CUBN: variants seen among roughly 807,000 people sequenced by gnomAD.
The protein encoded by CUBN is cubilin, also known as 460 kDa receptor.
In CUBN, 282 loss-of-function variants were observed where a neutral mutation model predicts 405.3. The observed-to-expected ratio is 0.70, with a 90% CI of 0.63 to 0.77. The LOEUF is 0.77. CUBN is among the 30% of genes least tolerant of loss of function. The probability of loss-of-function intolerance (pLI) is 0.00; values close to 1 mark genes in which losing one functional copy is unlikely to be tolerated. For synonymous variants in CUBN, 1,684 were observed against 1,617.0 expected, an observed-to-expected ratio of 1.04 and a Z score of -0.99; for missense variants, 4,514 against 4,475.2, an observed-to-expected ratio of 1.01 and a Z score of -0.25.
intron 10 of CUBN, among the ~76,000 whole-genome samples, chr10:17,108,021 C>A (rs1488066406): frequency 1.3e-5 from 2 of 152,054 alleles, no homozygotes; most frequent in Non-Finnish European, 2.9e-5. Context: ...GGTAAACTTA[C>A]AGGTTGCAGT....
At chr10:16,995,628 C>A (rs751027254) in intron 28 of CUBN, among the ~76,000 whole-genome samples, 1 of 152,070 alleles carries the variant, frequency 6.6e-6, no homozygotes, top group East Asian at 1.9e-4. Context: ...CCACACCTGG[C>A]CGTGTTTTGT....
rs749901825 is a variant in CUBN, at chr10:16,947,264, G to C, written c.5313C>G (p.Ser1771=). ...AAGACAGCTGGAGCCGGTTGCCAGG[G>C]GAACTGACGATGTTCCAGACACATT... The part of the protein sequence containing the change: ...NVECVWNIVS[S]PGNRLQLSFI... Residue 1771 remains serine, a synonymous_variant, in exon 36 of 67, where the codon TCC becomes TCG. Coordinates refer to ENST00000377833, the MANE Select transcript of CUBN (RefSeq NM_001081.4). The C allele has an allele frequency of 1.1e-5, 17 of 1,613,980 alleles. No individual in the cohort carries two copies. The highest frequency in any genetic ancestry group is 1.4e-5 in the Non-Finnish European group (17 of 1,179,990).
At chr10:17,047,868 G>A (rs143271169) in intron 22 of CUBN, among the ~76,000 whole-genome samples, 9 of 152,268 alleles carry the variant, frequency 5.9e-5, no homozygotes, top group South Asian at 2.1e-4. Context: ...AAAGTGTTAC[G>A]TTTTTCTAAT....
chr10:16,902,123 A>G (rs1024506330), intron 51 of CUBN, among the ~76,000 whole-genome samples: 1 of 137,242 alleles, frequency 7.3e-6, no homozygotes, highest in African/African-American at 2.7e-5. Context: ...CATATATAGT[A>G]TATATATACA....
chr10:16,895,209 T>TCAATTC (rs1162603811), intron 54 of CUBN, among the ~76,000 whole-genome samples: 1 of 152,212 alleles, frequency 6.6e-6, no homozygotes, highest in Non-Finnish European at 1.5e-5. Context: ...ACTCTGTATT[T>TCAATTC]CAATTCCTTG....
At chr10:17,025,859 G>A (rs1300082412) in intron 27 of CUBN, among the ~76,000 whole-genome samples, 1 of 152,112 alleles carries the variant, frequency 6.6e-6, no homozygotes. Context: ...ATCCTGTGTG[G>A]GGTGGAGATA....
chr10:17,129,542 T>C (rs953113854), intron 1 of CUBN, 102 bp downstream of exon 1: 1 of 1,481,768 alleles, frequency 6.7e-7, no homozygotes, highest in African/African-American at 1.4e-5. Flanking sequence ...TCAACATAAT[T>C]TTCCTCAAGA....
chr10:17,124,803 G>A lies in CUBN; in HGVS notation c.388-1114C>T, dbSNP rs1367905299. Among the ~76,000 whole-genome samples, 8 of 150,500 alleles carry A rather than the reference G, an allele frequency of 5.3e-5. No individual in the cohort carries two copies. The East Asian group carries it at 9.9e-4, about 19-fold the overall frequency. ...TATGAATTTCACTCATAGTCCAATT[G>A]TCTGGGTTTTGGTTGGTATCGTTGT... On this transcript the variant is annotated intron_variant, in intron 4 of 66. Coordinates refer to ENST00000377833, the MANE Select transcript of CUBN (RefSeq NM_001081.4).
At position 17,013,048 on chromosome 10, in the gene CUBN, G is replaced by A. The variant is rs533476200; in HGVS notation, c.4168+6785C>T. ...ATGCCCTTGTTTACACTGACAACAA[G>A]GTGGTATTGGAGTGTTACAGAGTTA... On this transcript the variant is annotated intron_variant, in intron 28 of 66. Transcript: ENST00000377833. Among the ~76,000 whole-genome samples the A allele has an allele frequency of 1.2e-3, 189 of 152,350 alleles. 1 individual carries two copies. The highest frequency in any genetic ancestry group is 4.4e-3 in the African/African-American group (182 of 41,586).
At position 17,063,132 on chromosome 10, in the gene CUBN, A is replaced by AC. The variant is rs985696887; in HGVS notation, c.3139+2375dup. ...GCCCTTCCCTAAAAAATGCTGCAGG[A>AC]CCCCCCCTCAGCAATGCATGAGAGC... On this transcript the variant is annotated intron_variant, in intron 22 of 66. Coordinates refer to ENST00000377833, the MANE Select transcript of CUBN (RefSeq NM_001081.4). Among the ~76,000 whole-genome samples the AC allele has an allele frequency of 1.2e-4, 18 of 150,998 alleles. 1 individual carries two copies. The highest frequency in any genetic ancestry group is 3.7e-4 in the African/African-American group (15 of 40,996).
At chr10:16,988,417 C>T (rs750368370) in intron 29 of CUBN, among the ~76,000 whole-genome samples, 8 of 152,154 alleles carry the variant, frequency 5.3e-5, no homozygotes, top group Admixed American at 1.3e-4. Context: ...GGAGTCATGA[C>T]TTGGCAACAG....
intron 59 of CUBN, 79 bp downstream of exon 59, chr10:16,869,557 T>TGGG (rs59702069): frequency 1.7e-4 from 123 of 708,482 alleles, no homozygotes; most frequent in South Asian, 1.5e-3. Context: ...CAGGTGGGGG[T>TGGG]GGGGGGGGGG....
intron 23 of CUBN, among the ~76,000 whole-genome samples, chr10:17,047,111 C>A (rs1166257291): frequency 2.0e-5 from 3 of 152,124 alleles, no homozygotes; most frequent in South Asian, 2.1e-4. Flanking sequence ...AGGTATTCAA[C>A]AGTAGCAAGT....
chr10:16,860,914 A>G (rs889461451), intron 59 of CUBN, among the ~76,000 whole-genome samples: 11 of 152,170 alleles, frequency 7.2e-5, no homozygotes, highest in Admixed American at 4.6e-4. Context: ...TGTGCTTTCT[A>G]AAATAAATCT....
At chr10:16,842,377 G>A (rs1286272432) in intron 60 of CUBN, among the ~76,000 whole-genome samples, 1 of 152,082 alleles carries the variant, frequency 6.6e-6, no homozygotes, top group Non-Finnish European at 1.5e-5. Flanking sequence ...CACGTGAGAG[G>A]CTCTCAATAA....
At chr10:17,118,428 C>T (rs890293589) in intron 6 of CUBN, among the ~76,000 whole-genome samples, 2 of 152,066 alleles carry the variant, frequency 1.3e-5, no homozygotes, top group African/African-American at 2.4e-5. Flanking sequence ...CATTTTTATG[C>T]ACCTTTTTGT....
At position 17,102,165 on chromosome 10, in the gene CUBN, C is replaced by T. The variant is rs377183065; in HGVS notation, c.1530+960G>A. On this transcript the variant is annotated intron_variant, in intron 13 of 66. Transcript: ENST00000377833. The stretch of plus-strand genomic sequence containing the variant: ...AGACAAACTTGACTTTGAAATTCAA[C>T]TATTACAATTACAAGCTAAGAAGTG... 3.9e-5 allele frequency among the ~76,000 whole-genome samples: 6 copies of T among 152,250 alleles called. No individual in the cohort carries two copies. In the East Asian group the frequency reaches 1.2e-3, roughly 29 times the overall value.
intron 22 of CUBN, 126 bp from the exon 23 acceptor site, chr10:17,047,729 G>T: frequency 1.2e-6 from 1 of 843,900 alleles, no homozygotes; most frequent in Non-Finnish European, 1.9e-6. Context: ...TCTGGAATGT[G>T]CAAATAAAGA....
intron 11 of CUBN, 66 bp from the exon 12 acceptor site, chr10:17,104,671 AAAT>A (rs1272626081): frequency 1.0e-6 from 1 of 967,196 alleles, no homozygotes; most frequent in Non-Finnish European, 1.6e-6. Context: ...TAATCAACCC[AAAT>A]AATAGGAATG....
Sources: gnomAD v4.1 joint callset for allele counts (sites outside exome capture counted in the v4.1 genomes callset) on GRCh38, gnomAD v4.1.1 for gene constraint, MANE v1.5 for transcripts, NCBI Gene and HGNC (gene_info 2026-07-23, HGNC 2026-07-21) for gene names.